Variants in TMIGD1 observed in about 807,000 individuals in gnomAD.
The protein encoded by TMIGD1 is transmembrane and immunoglobulin domain-containing protein 1.
TMIGD1 carries 29 observed loss-of-function variants against 27.5 expected under a neutral mutation model. That is an observed-to-expected ratio of 1.05 (90% CI 0.78 to 1.44). TMIGD1 has a LOEUF of 1.44. Among genes scored for constraint, TMIGD1 ranks in the 40% most tolerant of loss-of-function variants. The pLI is 0.00. For synonymous variants in TMIGD1, 109 were observed against 110.3 expected (o/e 0.99, Z 0.07); for missense variants, 334 against 310.6 (o/e 1.08, Z -0.57).
intron 4 of TMIGD1, among the ~76,000 whole-genome samples, chr17:30,322,956 G>C (rs1909667031): frequency 1.3e-5 from 2 of 152,282 alleles, no homozygotes; most frequent in South Asian, 4.1e-4. Flanking sequence ...GATTGCTTGA[G>C]CCCAGGAATT....
At chr17:30,318,774 G>T in intron 5 of TMIGD1, 36 bp downstream of exon 5, 1 of 1,487,766 alleles carries the variant, frequency 6.7e-7, no homozygotes, top group South Asian at 1.1e-5. Flanking sequence ...TTCAGATGAT[G>T]GCTTTTTACT....
chr17:30,327,433 T>C (rs970245627), intron 3 of TMIGD1, among the ~76,000 whole-genome samples: 8 of 152,104 alleles, frequency 5.3e-5, no homozygotes, highest in African/African-American at 1.7e-4. Flanking sequence ...AAAAAAAGTT[T>C]CGTGGAATAA....
intron 1 of TMIGD1, 93 bp downstream of exon 1, chr17:30,333,907 G>A (rs1417744355): frequency 6.6e-6 from 1 of 152,294 alleles, no homozygotes; most frequent in Non-Finnish European, 1.5e-5. Context: ...ACTCCACCGA[G>A]ACAGCAACTT....
chr17:30,322,116 T>C (rs1251640709), intron 4 of TMIGD1, among the ~76,000 whole-genome samples: 1 of 152,052 alleles, frequency 6.6e-6, no homozygotes, highest in Non-Finnish European at 1.5e-5. Context: ...GCATGAACCA[T>C]CCCACCCAGC....
intron 4 of TMIGD1, 132 bp from the exon 5 acceptor site, chr17:30,319,045 T>G: frequency 1.5e-6 from 1 of 657,922 alleles, no homozygotes; most frequent in Middle Eastern, 2.5e-4. Context: ...AAAAAGTAGG[T>G]ATGATTGTCC....
At chr17:30,319,261 A>AAAAAAAAAAAAAAAAAAATATATATAT in intron 4 of TMIGD1, among the ~76,000 whole-genome samples, 43 of 68,988 alleles carry the variant, frequency 6.2e-4, no homozygotes, top group Admixed American at 1.5e-3. Flanking sequence ...AAAAAAAAAA[A>AAAAAAAAAAAAAAAAAAATATATATAT]ATATATATAT....
chr17:30,328,612 A>G (rs1193953433), intron 3 of TMIGD1, among the ~76,000 whole-genome samples: 2 of 152,168 alleles, frequency 1.3e-5, no homozygotes, highest in Admixed American at 1.3e-4. Flanking sequence ...ACAAACAAAA[A>G]AAAGACCATT....
rs191175120 is a variant in TMIGD1, at chr17:30,316,906, T to C, written c.786-216A>G. The C allele has an allele frequency of 1.7e-5, 11 of 632,920 alleles. No individual in the cohort carries two copies. The East Asian group carries it at 2.7e-4, about 16-fold the overall frequency. The allele number at this position is 632,920 out of a possible 1,614,324, so 39.2% of individuals were successfully genotyped here. On this transcript the variant is annotated intron_variant, in intron 6 of 6. Transcript: ENST00000328886. The stretch of plus-strand genomic sequence containing the variant: ...TGTAAAGCAGTATGGACCAGTGACT[T>C]CCTCCAGAGCATTTGCATTGTGTGG...
intron 3 of TMIGD1, among the ~76,000 whole-genome samples, chr17:30,327,703 A>T (rs905990415): frequency 1.3e-5 from 2 of 151,530 alleles, no homozygotes; most frequent in Admixed American, 1.3e-4. Flanking sequence ...GGGGCTACAG[A>T]TGTGTGCCAC....
chr17:30,323,613 CT>C (rs937724965), intron 4 of TMIGD1, among the ~76,000 whole-genome samples: 1 of 152,040 alleles, frequency 6.6e-6, no homozygotes, highest in Non-Finnish European at 1.5e-5. Context: ...ATAAGCTGTA[CT>C]TTTTTTTAAT....
intron 4 of TMIGD1, among the ~76,000 whole-genome samples, chr17:30,323,120 T>C (rs1052642641): frequency 2.6e-5 from 4 of 152,084 alleles, no homozygotes; most frequent in African/African-American, 9.7e-5. Flanking sequence ...CAGTGAACTA[T>C]GATTACGCTA....
chr17:30,326,762 C>G (rs60450790), intron 3 of TMIGD1, among the ~76,000 whole-genome samples: 2 of 152,016 alleles, frequency 1.3e-5, no homozygotes, highest in Non-Finnish European at 2.9e-5. Context: ...AATGGTGTGT[C>G]GTAAGATATG....
intron 3 of TMIGD1, among the ~76,000 whole-genome samples, chr17:30,328,659 TA>T (rs971870265): frequency 2.5e-4 from 38 of 151,998 alleles, no homozygotes; most frequent in African/African-American, 8.2e-4. Context: ...ATTCTTAATT[TA>T]AAAAATGAAA....
chr17:30,327,652 T>C (rs998087), intron 3 of TMIGD1, among the ~76,000 whole-genome samples: 53,806 of 151,776 alleles, frequency 0.35, 10,222 homozygotes, highest in Admixed American at 0.42. Flanking sequence ...CTCAAACTTC[T>C]GGGCTCAGAA....
rs1909417178 is a variant in TMIGD1 at position 30,316,487 on chromosome 17, A to G, written c.*200T>C. The G allele has an allele frequency of 3.6e-6, 2 of 550,144 alleles. No homozygotes were observed. Among genetic ancestry groups the G allele is most frequent in the East Asian group, 6.2e-5 (2 of 32,354 alleles). 34.1% of individuals were successfully genotyped at this position (550,144 alleles called of 1,614,324 possible). A position where few individuals can be genotyped will look rare whatever the true frequency, so the allele number is the denominator to read the frequency against. On this transcript the variant is annotated 3_prime_UTR_variant, in exon 7 of 7. Transcript: ENST00000328886. ...CAAGGAGAAGACTTAACAAAATCTT[A>G]CTTTTCATTCTTAATAGCTCTTTCC...
At position 30,319,249 on chromosome 17, in the gene TMIGD1, G is replaced by GAAA. The variant is rs1201681602; in HGVS notation, c.641-339_641-337dup. Among the ~76,000 whole-genome samples, 16 of 70,884 alleles carry GAAA rather than the reference G, an allele frequency of 2.3e-4. 1 individual carries two copies. Among genetic ancestry groups the GAAA allele is most frequent in the East Asian group, 1.1e-3 (4 of 3,646 alleles). 46.5% of individuals were successfully genotyped at this position (70,884 alleles called of 152,430 possible). On this transcript the variant is annotated intron_variant, in intron 4 of 6. Coordinates refer to ENST00000328886, the MANE Select transcript of TMIGD1 (RefSeq NM_206832.3). ...TGAAACCCCATCTGTAAAAAAAAAAGAAAAAAAAAAAAATATATATATATA... is the reference window on the plus strand; with the variant it reads ...TGAAACCCCATCTGTAAAAAAAAAAGAAAAAAAAAAAAAAAATATATATATATA...
chr17:30,325,879 C>T (rs1051247515), intron 3 of TMIGD1, among the ~76,000 whole-genome samples: 2 of 151,768 alleles, frequency 1.3e-5, no homozygotes, highest in Admixed American at 1.3e-4. Flanking sequence ...TGAGCAACTC[C>T]TTTTTTCCTC....
At chr17:30,331,932 T>G (rs1288660464) in intron 2 of TMIGD1, 120 bp downstream of exon 2, 1 of 679,212 alleles carries the variant, frequency 1.5e-6, no homozygotes, top group African/African-American at 1.8e-5. Context: ...CTGTGAGCCA[T>G]GCTAACTGTG....
At position 30,329,406 on chromosome 17, in the gene TMIGD1, C is replaced by T. The variant is rs376493306; in HGVS notation, c.206G>A (p.Arg69Gln). Residue 69 changes from arginine to glutamine, a missense_variant, in exon 3 of 7, where the codon CGA (arginine) becomes CAA (glutamine). Transcript: ENST00000328886. ...HTREEELLWYREEGRVDLKSG... is the reference protein window; with the variant it reads ...HTREEELLWYQEEGRVDLKSG... Reference sequence around the variant, plus strand: ...TTTCAAATCCACTCTCCCCTCCTCTCGGTACCAGAGCAGTTCTTCCTCTCT... The same window carrying T: ...TTTCAAATCCACTCTCCCCTCCTCTTGGTACCAGAGCAGTTCTTCCTCTCT... 2.2e-5 allele frequency: 36 copies of T among 1,614,198 alleles called. No homozygotes were observed. The highest frequency in any genetic ancestry group is 5.0e-5 in the Admixed American group (3 of 60,026).
Sources: allele counts gnomAD v4.1 joint callset (sites outside exome capture counted in the v4.1 genomes callset), GRCh38; gene constraint gnomAD v4.1.1; transcripts MANE v1.5; gene names NCBI Gene and HGNC (gene_info 2026-07-23, HGNC 2026-07-21).